KCNB2: variants seen among roughly 807,000 people sequenced by gnomAD.
The protein encoded by KCNB2 is potassium voltage-gated channel subfamily B member 2.
KCNB2 carries 15 observed loss-of-function variants against 61.5 expected under a neutral mutation model. The ratio of observed to expected loss-of-function variants is 0.24; its 90% confidence interval spans 0.16 to 0.38. The LOEUF is 0.38. Ranked by LOEUF, KCNB2 falls within the 10% of genes least tolerant of loss-of-function variation. The pLI, the probability that KCNB2 is intolerant of heterozygous loss-of-function variation, is 1.00. For synonymous variants in KCNB2, 457 were observed against 446.0 expected (o/e 1.02, Z -0.31); for missense variants, 828 against 1,125.2 (o/e 0.74, Z 3.78).
chr8:72,594,643 A>G (rs1335877729), intron 2 of KCNB2, among the ~76,000 whole-genome samples: 1 of 152,208 alleles, frequency 6.6e-6, no homozygotes, highest in African/African-American at 2.4e-5. Context: ...CTCTATGCTC[A>G]TAACACAGCA....
intron 2 of KCNB2, among the ~76,000 whole-genome samples, chr8:72,807,565 C>G (rs117145803): frequency 0.021 from 3,135 of 152,286 alleles, 42 homozygotes; most frequent in Non-Finnish European, 0.032. Context: ...TTGCTTGGAA[C>G]CCTACTCAGA....
intron 2 of KCNB2, among the ~76,000 whole-genome samples, chr8:72,711,516 A>G (rs1230777126): frequency 6.6e-6 from 1 of 152,096 alleles, no homozygotes; most frequent in African/African-American, 2.4e-5. Context: ...TAGGAGGGAA[A>G]CCCTTGCTCA....
At chr8:72,687,425 C>T (rs566247955) in intron 2 of KCNB2, among the ~76,000 whole-genome samples, 2 of 152,126 alleles carry the variant, frequency 1.3e-5, no homozygotes, top group East Asian at 3.9e-4. Flanking sequence ...TCAAGCTGGA[C>T]CTGTCATCCT....
chr8:72,714,971 C>G (rs2128992184), intron 2 of KCNB2, among the ~76,000 whole-genome samples: 1 of 152,154 alleles, frequency 6.6e-6, no homozygotes, highest in East Asian at 1.9e-4. Flanking sequence ...GGAAGATCTA[C>G]CAAGCAAATG....
intron 2 of KCNB2, among the ~76,000 whole-genome samples, chr8:72,663,497 G>C (rs1270404494): frequency 6.6e-6 from 1 of 152,156 alleles, no homozygotes; most frequent in East Asian, 1.9e-4. Context: ...TGTTGGGGTA[G>C]AGTATTAGAC....
At chr8:72,722,195 C>T (rs765200380) in intron 2 of KCNB2, among the ~76,000 whole-genome samples, 16 of 152,204 alleles carry the variant, frequency 1.1e-4, no homozygotes, top group Non-Finnish European at 1.0e-4. Flanking sequence ...ACAACCCCAG[C>T]AGCATGCACC....
At chr8:72,874,689 T>C (rs967767987) in intron 2 of KCNB2, among the ~76,000 whole-genome samples, 4 of 152,156 alleles carry the variant, frequency 2.6e-5, no homozygotes, top group Non-Finnish European at 5.9e-5. Context: ...CCAAACAACA[T>C]CTGTTGCAGT....
intron 2 of KCNB2, among the ~76,000 whole-genome samples, chr8:72,807,549 C>T (rs1181187039): frequency 1.3e-5 from 2 of 152,192 alleles, no homozygotes; most frequent in Non-Finnish European, 2.9e-5. Context: ...ATGTATCAGA[C>T]TAACCTTGCT....
At chr8:72,900,027 C>T (rs1806061596) in intron 2 of KCNB2, among the ~76,000 whole-genome samples, 1 of 151,852 alleles carries the variant, frequency 6.6e-6, no homozygotes, top group African/African-American at 2.4e-5. Flanking sequence ...ACAAAAACAG[C>T]CTGAATAGCC....
At chr8:72,723,140 C>G (rs1036206614) in intron 2 of KCNB2, among the ~76,000 whole-genome samples, 1 of 152,148 alleles carries the variant, frequency 6.6e-6, no homozygotes, top group Non-Finnish European at 1.5e-5. Flanking sequence ...GCTTTTTATA[C>G]TGTTTGATTA....
intron 2 of KCNB2, among the ~76,000 whole-genome samples, chr8:72,651,233 T>C (rs1298646662): frequency 6.6e-6 from 1 of 152,198 alleles, no homozygotes; most frequent in African/African-American, 2.4e-5. Context: ...CTACAAGCCT[T>C]ATAAAAATAA....
chr8:72,634,254 AT>A (rs1048987359), intron 2 of KCNB2, among the ~76,000 whole-genome samples: 2 of 152,210 alleles, frequency 1.3e-5, no homozygotes, highest in African/African-American at 4.8e-5. Context: ...GGAAGTAGGA[AT>A]GGGGAATAAT....
chr8:72,672,707 C>T (rs1585820779), intron 2 of KCNB2, among the ~76,000 whole-genome samples: 2 of 151,902 alleles, frequency 1.3e-5, no homozygotes, highest in Non-Finnish European at 2.9e-5. Context: ...GGTTTTTCCT[C>T]AAATGTACTG....
chr8:72,739,469 C>T lies in KCNB2; in HGVS notation c.579+171156C>T, dbSNP rs146757715. Among the ~76,000 whole-genome samples the T allele has an allele frequency of 1.9e-3, 286 of 151,922 alleles. 1 individual carries two copies. The highest frequency in any genetic ancestry group is 6.5e-3 in the African/African-American group (271 of 41,468). ...GATACAATAGAAACAAATTGGAGGGCACAAAACCTTTTAGGGAATAGAGAA... is the reference window on the plus strand; with the variant it reads ...GATACAATAGAAACAAATTGGAGGGTACAAAACCTTTTAGGGAATAGAGAA... On this transcript the variant is annotated intron_variant, in intron 2 of 2. Transcript: ENST00000523207.
At chr8:72,691,568 T>C (rs1204468130) in intron 2 of KCNB2, among the ~76,000 whole-genome samples, 1 of 152,204 alleles carries the variant, frequency 6.6e-6, no homozygotes, top group Admixed American at 6.5e-5. Flanking sequence ...AAGTACACAT[T>C]GCAACTACAA....
intron 2 of KCNB2, among the ~76,000 whole-genome samples, chr8:72,629,994 A>C (rs16938267): frequency 0.028 from 4,291 of 152,320 alleles, 78 homozygotes; most frequent in South Asian, 0.076. Context: ...CTCGTATAGC[A>C]AGCAGACCTA....
In KCNB2 at chr8:72,613,579, T is replaced by A. The variant is rs568973642; in HGVS notation, c.579+45266T>A. 3.3e-5 allele frequency among the ~76,000 whole-genome samples: 5 copies of A among 152,344 alleles called. No individual in the cohort carries two copies. The East Asian group carries it at 9.6e-4, about 29-fold the overall frequency. On this transcript the variant is annotated intron_variant, in intron 2 of 2. Coordinates refer to ENST00000523207, the MANE Select transcript of KCNB2 (RefSeq NM_004770.3). ...CACTATGTATTAAGATCTGACCATCTGTGGAGTGTGTTCAGTTGGTGATAC... is the reference window on the plus strand; with the variant it reads ...CACTATGTATTAAGATCTGACCATCAGTGGAGTGTGTTCAGTTGGTGATAC...
chr8:72,724,024 T>C (rs985088947), intron 2 of KCNB2, among the ~76,000 whole-genome samples: 1 of 152,238 alleles, frequency 6.6e-6, no homozygotes, highest in African/African-American at 2.4e-5. Context: ...ATCTTGTGCC[T>C]GGGAAGTGGC....
At position 72,652,681 on chromosome 8, in the gene KCNB2, TCTGA is replaced by T. The variant is rs113641841; in HGVS notation, c.579+84376_579+84379del. ...ATAGGGCTTAATGACCGGTACCCTT[TCTGA>T]CTGACTGGTGCGCTGCCATGCTGGA... On this transcript the variant is annotated intron_variant, in intron 2 of 2. Coordinates refer to ENST00000523207, the MANE Select transcript of KCNB2 (RefSeq NM_004770.3). Among the ~76,000 whole-genome samples the T allele has an allele frequency of 2.4e-3, 364 of 152,224 alleles. 2 individuals carry two copies. Among genetic ancestry groups the T allele is most frequent in the African/African-American group, 8.5e-3 (355 of 41,548 alleles).
Sources: allele counts gnomAD v4.1 joint callset (sites outside exome capture counted in the v4.1 genomes callset), GRCh38; gene constraint gnomAD v4.1.1; transcripts MANE v1.5; gene names NCBI Gene and HGNC (gene_info 2026-07-23, HGNC 2026-07-21).